CASR: variants seen among roughly 807,000 people sequenced by gnomAD.
The protein encoded by CASR is extracellular calcium-sensing receptor.
CASR carries 23 observed loss-of-function variants against 69.1 expected under a neutral mutation model. The ratio of observed to expected loss-of-function variants is 0.33; its 90% CI spans 0.24 to 0.47. CASR has a LOEUF of 0.47. CASR is among the 20% of genes least tolerant of loss of function. CASR has a pLI of 1.00. For missense variants in CASR, 924 were observed against 1,356.1 expected, an observed-to-expected ratio of 0.68 and a Z score of 5.00; for synonymous variants, 541 against 544.7, an observed-to-expected ratio of 0.99 and a Z score of 0.10.
At chr3:122,195,082 G>T (rs1576814337) in intron 1 of CASR, among the ~76,000 whole-genome samples, 2 of 150,538 alleles carry the variant, frequency 1.3e-5, no homozygotes, top group Admixed American at 1.3e-4. Flanking sequence ...TCTTTCTGAG[G>T]TTATTACTCC....
At position 122,262,016 on chromosome 3, in the gene CASR, C is replaced by T. The variant is rs1240483254; in HGVS notation, c.981C>T (p.Ile327=). The change falls in exon 4 of 7, where the codon ATC becomes ATT. Residue 327 remains isoleucine, a synonymous_variant. Transcript: ENST00000639785. ...TIGFALKAGQ[I]PGFREFLKKV... is the part of the protein sequence containing the mutation. ...GATTCGCTCTGAAGGCTGGGCAGAT[C>T]CCAGGCTTCCGGGAATTCCTGAAGA... The T allele has an allele frequency of 6.2e-7, 1 of 1,614,092 alleles. No homozygotes were observed. The highest frequency in any genetic ancestry group is 1.7e-5 in the Admixed American group (1 of 60,016).
At chr3:122,248,760 T>G (rs935782940) in intron 1 of CASR, among the ~76,000 whole-genome samples, 4 of 152,168 alleles carry the variant, frequency 2.6e-5, no homozygotes, top group African/African-American at 9.7e-5. Flanking sequence ...CTCTAGAGAT[T>G]CACAATTTCC....
chr3:122,202,175 G>C (rs148811303), intron 1 of CASR, among the ~76,000 whole-genome samples: 136 of 152,218 alleles, frequency 8.9e-4, no homozygotes, highest in African/African-American at 3.2e-3. Flanking sequence ...CCGGCACCTC[G>C]GGAGGCCAAG....
chr3:122,274,248 G>A (rs1275242660), intron 4 of CASR, among the ~76,000 whole-genome samples: 2 of 152,246 alleles, frequency 1.3e-5, no homozygotes, highest in African/African-American at 4.8e-5. Context: ...TGCAGGTTAA[G>A]GGAGGCACCC....
At position 122,261,844 on chromosome 3, in the gene CASR, T is replaced by A; in HGVS notation, c.809T>A (p.Phe270Tyr). Residue 270 changes from phenylalanine (F) to tyrosine (Y), a missense_variant, in exon 4 of 7, where the codon TTC (phenylalanine) becomes TAC (tyrosine). By Grantham distance (22) the Phe-to-Tyr change is conservative (BLOSUM62 3). Coordinates refer to ENST00000639785, the MANE Select transcript of CASR (RefSeq NM_000388.4). Reference sequence around the variant, plus strand: ...TCCACGGCCAAAGTCATCGTGGTTTTCTCCAGTGGCCCAGATCTTGAGCCC... The same window carrying A: ...TCCACGGCCAAAGTCATCGTGGTTTACTCCAGTGGCCCAGATCTTGAGCCC... ...QNSTAKVIVV[F>Y]SSGPDLEPLI... 1 of 1,614,210 alleles carries A rather than the reference T, an allele frequency of 6.2e-7. No homozygotes were observed. Among genetic ancestry groups the A allele is most frequent in the Non-Finnish European group, 8.5e-7 (1 of 1,180,020 alleles).
chr3:122,206,812 T>A (rs1264303677), intron 1 of CASR, among the ~76,000 whole-genome samples: 1 of 152,088 alleles, frequency 6.6e-6, no homozygotes, highest in Non-Finnish European at 1.5e-5. Context: ...GTAGATTGTA[T>A]GTGTCCAGGA....
At chr3:122,269,187 A>T (rs1393199) in intron 4 of CASR, among the ~76,000 whole-genome samples, 2 of 152,002 alleles carry the variant, frequency 1.3e-5, no homozygotes, top group African/African-American at 2.4e-5. Flanking sequence ...ATTTCAGTTT[A>T]GAATTTAGAT....
chr3:122,242,199 A>G (rs2074384923), intron 1 of CASR, among the ~76,000 whole-genome samples: 1 of 152,150 alleles, frequency 6.6e-6, no homozygotes, highest in Non-Finnish European at 1.5e-5. Flanking sequence ...GACAAGAGAA[A>G]GAAAGAAAGG....
At chr3:122,259,239 T>C (rs956540989) in intron 3 of CASR, among the ~76,000 whole-genome samples, 2 of 152,312 alleles carry the variant, frequency 1.3e-5, no homozygotes, top group East Asian at 1.9e-4. Flanking sequence ...TTTTATTCCA[T>C]TGAAGCCCTT....
chr3:122,267,426 G>GA (rs996651790), intron 4 of CASR, among the ~76,000 whole-genome samples: 26 of 150,966 alleles, frequency 1.7e-4, no homozygotes, highest in East Asian at 3.9e-4. Context: ...TTGAAGTAAG[G>GA]AAAAAAAAAT....
chr3:122,261,456 C>G lies in CASR; in HGVS notation c.493-72C>G, dbSNP rs1458620522. 7 of 1,411,568 alleles carry G rather than the reference C, an allele frequency of 5.0e-6. No homozygotes were observed. In the East Asian group the frequency reaches 6.8e-5, roughly 14 times the overall value. 87.4% of individuals were successfully genotyped at this position (1,411,568 alleles called of 1,614,324 possible). ...CATGCTCAGAAAGCCACCTCCACAA[C>G]AGCCTGGAGGCTCACTCAGCACCTC... On this transcript the variant is annotated intron_variant, in intron 3 of 6. Transcript: ENST00000639785.
intron 1 of CASR, among the ~76,000 whole-genome samples, chr3:122,217,756 T>C (rs549422882): frequency 2.0e-4 from 30 of 152,306 alleles, no homozygotes; most frequent in African/African-American, 6.7e-4. Flanking sequence ...AACCGTACCA[T>C]TCTGATAGTG....
chr3:122,198,036 TG>T (rs771641627), intron 1 of CASR, among the ~76,000 whole-genome samples: 7 of 152,238 alleles, frequency 4.6e-5, no homozygotes, highest in Non-Finnish European at 8.8e-5. Flanking sequence ...GCTTTCTGAC[TG>T]ATGCTTTTTT....
intron 1 of CASR, among the ~76,000 whole-genome samples, chr3:122,187,293 A>G (rs2073795194): frequency 1.3e-5 from 2 of 152,238 alleles, no homozygotes; most frequent in African/African-American, 4.8e-5. Flanking sequence ...CTAAAGCTGC[A>G]TGATCCTTTT....
rs140586950 is a variant in CASR, at chr3:122,284,798, G to A, written c.2844G>A (p.Leu948=). 9.3e-6 allele frequency: 15 copies of A among 1,614,018 alleles called. No homozygotes were observed. The African/African-American group carries it at 1.9e-4, about 20-fold the overall frequency. The change falls in exon 7 of 7, where the codon CTG becomes CTA. Residue 948 remains leucine, a synonymous_variant. Coordinates refer to ENST00000639785, the MANE Select transcript of CASR (RefSeq NM_000388.4). The stretch of plus-strand genomic sequence containing the variant: ...AGCAAGAGCAGCAGCAGCAGCCCCT[G>A]ACCCTCCCACAGCAGCAACGATCTC... ...LTQQEQQQQP[L]TLPQQQRSQQ...
At chr3:122,215,750 G>T (rs560269778) in intron 1 of CASR, among the ~76,000 whole-genome samples, 1 of 152,306 alleles carries the variant, frequency 6.6e-6, no homozygotes, top group Non-Finnish European at 1.5e-5. Flanking sequence ...TGATTAAGCC[G>T]TGTGACAAGA....
chr3:122,288,916 AT>A lies in CASR; in HGVS notation c.*3728del, dbSNP rs1260709184. On this transcript the variant is annotated 3_prime_UTR_variant, in exon 7 of 7. Transcript: ENST00000639785. ...GAAAGTGTCCTAGAAGATTTTAAGA[AT>A]TTAGGTTGGAAATTTAGAGGTGACG... is the stretch of plus-strand genomic sequence containing the variant. 6.6e-6 allele frequency: 1 copy of A among 152,214 alleles called. No homozygotes were observed. Among genetic ancestry groups the A allele is most frequent in the East Asian group, 1.9e-4 (1 of 5,196 alleles). 9.4% of individuals were successfully genotyped at this position (152,214 alleles called of 1,614,324 possible).
At position 122,290,774 on chromosome 3, in the gene CASR, A is replaced by G. The variant is rs1347925721; in HGVS notation, c.*5583A>G. 1 of 151,852 alleles carries G rather than the reference A, an allele frequency of 6.6e-6. No individual in the cohort carries two copies. The allele number at this position is 151,852 out of a possible 1,614,324, so 9.4% of individuals were successfully genotyped here. A position where few individuals can be genotyped will look rare whatever the true frequency, so the allele number is the denominator to read the frequency against. ...TTTAAGTTTTAGGGTACATGTGCAC[A>G]ACGTGCAGGTTTGTTACATATGTAT... On this transcript the variant is annotated 3_prime_UTR_variant, in exon 7 of 7. Transcript: ENST00000639785.
At chr3:122,267,338 A>C (rs1450287236) in intron 4 of CASR, among the ~76,000 whole-genome samples, 1 of 152,276 alleles carries the variant, frequency 6.6e-6, no homozygotes, top group Non-Finnish European at 1.5e-5. Flanking sequence ...AATTTTGAGT[A>C]GAAAATATTC....
Sources: allele counts gnomAD v4.1 joint callset (sites outside exome capture counted in the v4.1 genomes callset), GRCh38; gene constraint gnomAD v4.1.1; transcripts MANE v1.5; gene names NCBI Gene and HGNC (gene_info 2026-07-23, HGNC 2026-07-21).